Variants in PARD3 observed in about 807,000 individuals in gnomAD.
The protein encoded by PARD3 is partitioning defective 3 homolog.
In PARD3, 75 loss-of-function variants were observed where a neutral mutation model predicts 155.4. The observed-to-expected ratio is 0.48, with a 90% confidence interval of 0.40 to 0.58. The LOEUF (loss-of-function observed/expected upper bound fraction) is 0.58, where lower values mean the gene tolerates loss of function less well. PARD3 is among the 20% of genes least tolerant of loss of function. The pLI is 0.00. For missense variants in PARD3, 1,642 were observed against 1,721.7 expected (o/e 0.95, Z 0.82); for synonymous variants, 576 against 610.5 (o/e 0.94, Z 0.83).
intron 2 of PARD3, among the ~76,000 whole-genome samples, chr10:34,526,485 T>C (rs2082493859): frequency 6.6e-6 from 1 of 152,198 alleles, no homozygotes; most frequent in Admixed American, 6.5e-5. Context: ...CTCCTCTGAA[T>C]GTCTGCATCC....
At chr10:34,155,623 C>T (rs1274307) in intron 22 of PARD3, among the ~76,000 whole-genome samples, 87,157 of 150,382 alleles carry the variant, frequency 0.58, 25,571 homozygotes, top group African/African-American at 0.66. Flanking sequence ...CTTTTCACAG[C>T]TTTTTTTTCT....
intron 3 of PARD3, among the ~76,000 whole-genome samples, chr10:34,498,234 A>C (rs2080423835): frequency 6.6e-6 from 1 of 151,766 alleles, no homozygotes. Context: ...ACACTTCAGT[A>C]TTTCTCAGCT....
intron 22 of PARD3, among the ~76,000 whole-genome samples, chr10:34,146,650 C>G (rs992581586): frequency 6.6e-6 from 1 of 152,210 alleles, no homozygotes; most frequent in Non-Finnish European, 1.5e-5. Flanking sequence ...AATATGGTGA[C>G]TGTGACATAC....
chr10:34,608,820 C>A (rs1040177316), intron 2 of PARD3, among the ~76,000 whole-genome samples: 1 of 152,100 alleles, frequency 6.6e-6, no homozygotes, highest in Non-Finnish European at 1.5e-5. Flanking sequence ...AGGCATGAGC[C>A]ACCGCACCCA....
chr10:34,434,998 T>C (rs2076118093), intron 5 of PARD3, among the ~76,000 whole-genome samples: 1 of 152,118 alleles, frequency 6.6e-6, no homozygotes, highest in Non-Finnish European at 1.5e-5. Context: ...AGTTGACATA[T>C]AAGAGATAGA....
chr10:34,647,470 T>C (rs959658633), intron 2 of PARD3, among the ~76,000 whole-genome samples: 6 of 152,118 alleles, frequency 3.9e-5, no homozygotes, highest in Non-Finnish European at 8.8e-5. Context: ...AACACATAAA[T>C]AGTACCAGGG....
At chr10:34,757,867 G>T (rs1836950922) in intron 1 of PARD3, among the ~76,000 whole-genome samples, 1 of 152,090 alleles carries the variant, frequency 6.6e-6, no homozygotes, top group African/African-American at 2.4e-5. Context: ...GCCCCATTTT[G>T]TCCTTGCACT....
chr10:34,569,989 GACT>G (rs1739959077), intron 2 of PARD3, among the ~76,000 whole-genome samples: 1 of 151,264 alleles, frequency 6.6e-6, no homozygotes, highest in Admixed American at 6.6e-5. Context: ...GTTATCGTAA[GACT>G]TTTTTATTTC....
chr10:34,346,246 A>G, intron 15 of PARD3: 1 of 1,149,142 alleles, frequency 8.7e-7, no homozygotes, highest in Admixed American at 4.1e-5. Flanking sequence ...AATCGGGGCA[A>G]CAGACTAGGA....
intron 2 of PARD3, among the ~76,000 whole-genome samples, chr10:34,627,690 G>A (rs762740171): frequency 7.2e-5 from 11 of 152,142 alleles, no homozygotes; most frequent in Admixed American, 6.5e-5. Flanking sequence ...TTGGGGAGGG[G>A]GGTGTGACCC....
Position 34,388,143 on chromosome 10 carries a change from G to A in PARD3, c.891-3889C>T, listed in dbSNP as rs368999832. On this transcript the variant is annotated intron_variant, in intron 7 of 24. Coordinates refer to ENST00000374788, the MANE Select transcript of PARD3 (RefSeq NM_001184785.2). ...GAAGAGAAAGAACATCACCCTGACT[G>A]ACACAGCAAGAGATGAGGGAATCAA... Among the ~76,000 whole-genome samples, 139 of 152,278 alleles carry A rather than the reference G, an allele frequency of 9.1e-4. 1 individual carries two copies. In the South Asian group the frequency reaches 0.028, roughly 31 times the overall value.
intron 9 of PARD3, among the ~76,000 whole-genome samples, chr10:34,379,791 A>G (rs899842302): frequency 2.0e-5 from 3 of 152,124 alleles, no homozygotes; most frequent in Non-Finnish European, 4.4e-5. Context: ...AATTTCTACA[A>G]AAGAGCTGGG....
intron 15 of PARD3, among the ~76,000 whole-genome samples, chr10:34,342,999 C>T (rs1589241230): frequency 6.6e-6 from 1 of 152,120 alleles, no homozygotes; most frequent in East Asian, 1.9e-4. Flanking sequence ...AGCCATTTCC[C>T]TTACCTGAAT....
At chr10:34,386,649 C>A (rs905033372) in intron 7 of PARD3, among the ~76,000 whole-genome samples, 6 of 151,760 alleles carry the variant, frequency 4.0e-5, no homozygotes, top group African/African-American at 7.3e-5. Context: ...ATGGAGAAAC[C>A]CCCTCTCTAC....
At chr10:34,805,566 T>TATATATATATAC (rs1491558472) in intron 1 of PARD3, among the ~76,000 whole-genome samples, 3 of 139,934 alleles carry the variant, frequency 2.1e-5, no homozygotes, top group Admixed American at 7.0e-5. Flanking sequence ...TATATATATA[T>TATATATATATAC]ACACCGTACA....
At chr10:34,377,285 CA>C (rs1366699326) in intron 10 of PARD3, among the ~76,000 whole-genome samples, 3 of 152,114 alleles carry the variant, frequency 2.0e-5, no homozygotes, top group African/African-American at 7.2e-5. Context: ...CCTCATAAAC[CA>C]AATGTCTGAG....
In PARD3 at chr10:34,111,565, A is replaced by G. The variant is rs1350521333; in HGVS notation, c.3669-3T>C. 8 of 1,590,980 alleles carry G rather than the reference A, an allele frequency of 5.0e-6. No individual in the cohort carries two copies. Among genetic ancestry groups the G allele is most frequent in the Non-Finnish European group, 8.6e-7 (1 of 1,165,318 alleles). ...AGCTGGCATTTTTCCTGCTTTGCCTAGAAAGCAAAACCCAAAGGTTAGTGT... is the reference window on the plus strand; with the variant it reads ...AGCTGGCATTTTTCCTGCTTTGCCTGGAAAGCAAAACCCAAAGGTTAGTGT... On this transcript the variant is annotated splice_region_variant and splice_polypyrimidine_tract_variant and intron_variant, in intron 24 of 24. Transcript: ENST00000374788.
At chr10:34,725,171 G>C (rs1186533191) in intron 1 of PARD3, among the ~76,000 whole-genome samples, 1,723 of 141,890 alleles carry the variant, frequency 0.012, 41 homozygotes, top group African/African-American at 0.042. Context: ...GAGAGAGAGA[G>C]AGACGGAGTC....
At chr10:34,211,165 A>C (rs989419252) in intron 22 of PARD3, among the ~76,000 whole-genome samples, 8 of 152,162 alleles carry the variant, frequency 5.3e-5, no homozygotes, top group African/African-American at 1.9e-4. Flanking sequence ...TGGACCCTTC[A>C]TTCTTGCATT....
Sources: gnomAD v4.1 joint callset for allele counts (sites outside exome capture counted in the v4.1 genomes callset) on GRCh38, gnomAD v4.1.1 for gene constraint, MANE v1.5 for transcripts, NCBI Gene and HGNC (gene_info 2026-07-23, HGNC 2026-07-21) for gene names.